CAMK1G: variants seen among roughly 807,000 people sequenced by gnomAD.
CAMK1G encodes calcium/calmodulin-dependent protein kinase type 1G.
In CAMK1G, 27 loss-of-function variants were observed where a neutral mutation model predicts 54.8. That is an observed-to-expected ratio of 0.49 (90% CI 0.36 to 0.68). CAMK1G has a LOEUF of 0.68. CAMK1G is among the 30% of genes least tolerant of loss of function. CAMK1G has a pLI of 0.00. For synonymous variants in CAMK1G, 238 were observed against 224.9 expected, an observed-to-expected ratio of 1.06 and a Z score of -0.52; for missense variants, 512 against 591.0, an observed-to-expected ratio of 0.87 and a Z score of 1.39.
chr1:209,612,355 C>A, intron 11 of CAMK1G, 139 bp downstream of exon 11: 1 of 892,142 alleles, frequency 1.1e-6, no homozygotes, highest in Non-Finnish European at 1.7e-6. Context: ...GATGAGGGGG[C>A]AAGGAAAATG....
chr1:209,587,156 C>T (rs998557784), intron 1 of CAMK1G, among the ~76,000 whole-genome samples: 3 of 151,898 alleles, frequency 2.0e-5, no homozygotes, highest in African/African-American at 7.3e-5. Flanking sequence ...GGTTCCAGAG[C>T]CTCAGCTTTG....
chr1:209,607,849 C>A lies in CAMK1G; in HGVS notation c.560-9C>A. ...CACCAGCCCTGACTCTGCCCTTGGT[C>A]TGCTGCAGCTCCAGAAGTGCTGGCC... is the stretch of plus-strand genomic sequence containing the variant. On this transcript the variant is annotated splice_polypyrimidine_tract_variant and intron_variant, in intron 6 of 12. Coordinates refer to ENST00000361322, the MANE Select transcript of CAMK1G (RefSeq NM_020439.3). The A allele has an allele frequency of 6.2e-7, 1 of 1,611,182 alleles. No individual in the cohort carries two copies. The highest frequency in any genetic ancestry group is 8.5e-7 in the Non-Finnish European group (1 of 1,178,574).
chr1:209,596,380 A>G (rs1199452836), intron 2 of CAMK1G, among the ~76,000 whole-genome samples: 1 of 152,190 alleles, frequency 6.6e-6, no homozygotes, highest in East Asian at 1.9e-4. Flanking sequence ...AAGGGAGCCC[A>G]GGTTGACAAG....
At chr1:209,591,589 C>T (rs530465101) in intron 1 of CAMK1G, among the ~76,000 whole-genome samples, 4 of 152,310 alleles carry the variant, frequency 2.6e-5, no homozygotes, top group Admixed American at 1.3e-4. Flanking sequence ...GACCTTATGC[C>T]TTTCAGGAAA....
At position 209,611,543 on chromosome 1, in the gene CAMK1G, C is replaced by G. The variant is rs779820981; in HGVS notation, c.906C>G (p.Ser302Arg). The G allele has an allele frequency of 1.2e-6, 2 of 1,613,870 alleles. No homozygotes were observed. Among genetic ancestry groups the G allele is most frequent in the South Asian group, 2.2e-5 (2 of 91,054 alleles). The change falls in exon 10 of 13, where the codon AGC becomes AGG. Residue 302 changes from serine to arginine, a missense_variant. Physicochemically the swap from Ser to Arg is moderately radical, Grantham distance 110. Transcript: ENST00000361322. ...SLQIQKNFAK[S>R]KWRQAFNAAA... ...AGATCCAGAAGAACTTTGCTAAGAG[C>G]AAGTGGAGGGTAAGCTGTCCTCTCC... is the stretch of plus-strand genomic sequence containing the variant.
rs746608566 is a variant in CAMK1G, at chr1:209,612,830, C to T, written c.1386C>T (p.Ser462=). 7 of 1,613,472 alleles carry T rather than the reference C, an allele frequency of 4.3e-6. No individual in the cohort carries two copies. Among genetic ancestry groups the T allele is most frequent in the Non-Finnish European group, 5.9e-6 (7 of 1,179,828 alleles). ...TGGTACCAGTTAAAGCCAGTGGCAGCTCCCACTGCCGGGCAGGGCAGACTG... is the reference window on the plus strand; with the variant it reads ...TGGTACCAGTTAAAGCCAGTGGCAGTTCCCACTGCCGGGCAGGGCAGACTG... ...EVMVPVKASG[S]SHCRAGQTGV... The change falls in exon 12 of 13, where the codon AGC becomes AGT. Residue 462 remains serine (S), a synonymous_variant. Transcript: ENST00000361322.
intron 3 of CAMK1G, 141 bp from the exon 4 acceptor site, chr1:209,603,073 A>G: frequency 1.4e-6 from 1 of 706,810 alleles, no homozygotes; most frequent in Middle Eastern, 2.3e-4. Context: ...CAGTCTACTT[A>G]TTATGAAGGC....
At position 209,613,335 on chromosome 1, in the gene CAMK1G, T is replaced by C. The variant is rs1558143726; in HGVS notation, c.*333T>C. The C allele has an allele frequency of 6.1e-6, 1 of 164,864 alleles. No homozygotes were observed. Among genetic ancestry groups the C allele is most frequent in the Non-Finnish European group, 1.3e-5 (1 of 74,740 alleles). The allele number at this position is 164,864 out of a possible 1,614,324, so 10.2% of individuals were successfully genotyped here. ...TCTGTGCAGTGTACGTAGATAGCTC[T>C]CGCCTGGGTCTGTGCTGTTTGTCGT... On this transcript the variant is annotated 3_prime_UTR_variant, in exon 13 of 13. Transcript: ENST00000361322.
chr1:209,611,380 A>G, intron 9 of CAMK1G, 85 bp from the exon 10 acceptor site: 1 of 1,221,572 alleles, frequency 8.2e-7, no homozygotes, highest in East Asian at 2.4e-5. Flanking sequence ...CCCAGCTCTC[A>G]CCTAGACCTG....
intron 2 of CAMK1G, among the ~76,000 whole-genome samples, chr1:209,595,490 G>C (rs746945969): frequency 6.6e-6 from 1 of 152,078 alleles, no homozygotes; most frequent in Non-Finnish European, 1.5e-5. Flanking sequence ...GCCTCCTTCT[G>C]ACCCACCTGC....
At chr1:209,609,486 C>T (rs565552108) in intron 8 of CAMK1G, among the ~76,000 whole-genome samples, 6 of 152,144 alleles carry the variant, frequency 3.9e-5, no homozygotes, top group African/African-American at 1.2e-4. Flanking sequence ...ATTGTTGGAC[C>T]TGTTAAGTGG....
At position 209,600,070 on chromosome 1, in the gene CAMK1G, C is replaced by G. The variant is rs1665488903; in HGVS notation, c.180C>G (p.Phe60Leu). ...ALKCIKKSPA[F>L]RDSSLENEIA... is the part of the protein sequence containing the mutation. Reference sequence around the variant, plus strand: ...AGTGCATCAAGAAGTCACCTGCCTTCCGGGACAGCAGCCTGGAGAATGAGA... The same window carrying G: ...AGTGCATCAAGAAGTCACCTGCCTTGCGGGACAGCAGCCTGGAGAATGAGA... Residue 60 changes from phenylalanine to leucine, a missense_variant, in exon 3 of 13, where the codon TTC becomes TTG. By Grantham distance (22) the Phe-to-Leu change is conservative. This residue lies in a region of CAMK1G where 186 missense variants were observed against 231.5 expected (regional missense o/e 0.80). Coordinates refer to ENST00000361322, the MANE Select transcript of CAMK1G (RefSeq NM_020439.3). The G allele has an allele frequency of 6.2e-7, 1 of 1,614,010 alleles. No individual in the cohort carries two copies. Among genetic ancestry groups the G allele is most frequent in the African/African-American group, 1.3e-5 (1 of 75,042 alleles).
intron 6 of CAMK1G, 70 bp downstream of exon 6, chr1:209,606,513 AG>A: frequency 6.4e-7 from 1 of 1,553,282 alleles, no homozygotes; most frequent in Non-Finnish European, 8.8e-7. Flanking sequence ...ATTCATAGAA[AG>A]GGGTGATTCT....
intron 9 of CAMK1G, among the ~76,000 whole-genome samples, chr1:209,610,465 G>A (rs1242576743): frequency 6.6e-6 from 1 of 151,958 alleles, no homozygotes; most frequent in Non-Finnish European, 1.5e-5. Flanking sequence ...CCCTAATATG[G>A]CCTGACCCTT....
intron 8 of CAMK1G, 49 bp from the exon 9 acceptor site, chr1:209,609,802 G>T (rs1051143395): frequency 4.4e-6 from 7 of 1,582,858 alleles, no homozygotes; most frequent in South Asian, 1.1e-5. Context: ...ATTTCCATCA[G>T]TCATGAAATC....
Position 209,594,939 on chromosome 1 carries a change from A to G in CAMK1G, c.-29-16A>G, listed in dbSNP as rs761887774. The stretch of plus-strand genomic sequence containing the variant: ...AGACCTTTTTTCTCCTCCTTCTCCC[A>G]CTCCCTGCAATAAAGCATCCTCAGA... On this transcript the variant is annotated splice_polypyrimidine_tract_variant and intron_variant, in intron 1 of 12. Transcript: ENST00000361322. 3.3e-5 allele frequency: 51 copies of G among 1,542,864 alleles called. No homozygotes were observed. The highest frequency in any genetic ancestry group is 3.4e-4 in the Middle Eastern group (2 of 5,886).
chr1:209,598,529 G>A (rs949406830), intron 2 of CAMK1G, among the ~76,000 whole-genome samples: 1 of 152,316 alleles, frequency 6.6e-6, no homozygotes, highest in South Asian at 2.1e-4. Context: ...CTGCAGTGGA[G>A]TCTCTGTCTC....
intron 1 of CAMK1G, among the ~76,000 whole-genome samples, chr1:209,589,106 T>C (rs1665181990): frequency 6.6e-6 from 1 of 152,154 alleles, no homozygotes; most frequent in Non-Finnish European, 1.5e-5. Context: ...TGGAGTTACT[T>C]CCTATAGAGG....
At chr1:209,589,017 A>G (rs1335693431) in intron 1 of CAMK1G, among the ~76,000 whole-genome samples, 1 of 152,182 alleles carries the variant, frequency 6.6e-6, no homozygotes, top group African/African-American at 2.4e-5. Context: ...TCCAAAAAAT[A>G]CAATTGAGCC....
Sources: gnomAD v4.1 joint callset for allele counts (sites outside exome capture counted in the v4.1 genomes callset) on GRCh38, gnomAD v4.1.1 for gene constraint, gnomAD v4.1.1 regional missense constraint, MANE v1.5 for transcripts, NCBI Gene and HGNC (gene_info 2026-07-23, HGNC 2026-07-21) for gene names.